SGCZ: variants seen among roughly 807,000 people sequenced by gnomAD.
SGCZ encodes sarcoglycan zeta.
In SGCZ, 40 loss-of-function variants were observed where a neutral mutation model predicts 41.3. The observed-to-expected ratio is 0.97, with a 90% confidence interval of 0.75 to 1.26. The LOEUF (loss-of-function observed/expected upper bound fraction) is 1.26, where lower values mean the gene tolerates loss of function less well. SGCZ is among the 50% of genes most tolerant of loss of function. SGCZ has a pLI of 0.00. For missense variants in SGCZ, 552 were observed against 369.8 expected, an observed-to-expected ratio of 1.49 and a Z score of -4.04; for synonymous variants, 206 against 137.5, an observed-to-expected ratio of 1.50 and a Z score of -3.49.
chr8:14,414,915 T>C (rs1799454746), intron 2 of SGCZ, among the ~76,000 whole-genome samples: 1 of 151,992 alleles, frequency 6.6e-6, no homozygotes, highest in African/African-American at 2.4e-5. Flanking sequence ...TTGCTAGAAA[T>C]GCTGATTAGA....
At chr8:14,318,961 G>A (rs547210572) in intron 3 of SGCZ, among the ~76,000 whole-genome samples, 1 of 151,482 alleles carries the variant, frequency 6.6e-6, no homozygotes, top group Non-Finnish European at 1.5e-5. Flanking sequence ...ATGAATTAGA[G>A]AGCGTAAGGG....
intron 2 of SGCZ, among the ~76,000 whole-genome samples, chr8:14,451,169 T>A (rs2116926678): frequency 6.6e-6 from 1 of 152,304 alleles, no homozygotes; most frequent in Non-Finnish European, 1.5e-5. Context: ...AACCAGCCTC[T>A]CTCTTTTCTG....
At chr8:14,101,848 G>A (rs1802031447) in intron 7 of SGCZ, among the ~76,000 whole-genome samples, 1 of 151,524 alleles carries the variant, frequency 6.6e-6, no homozygotes, top group South Asian at 2.1e-4. Context: ...GCATAAAGAA[G>A]TGCTTTGTGG....
chr8:14,320,356 T>G (rs903424307), intron 3 of SGCZ, among the ~76,000 whole-genome samples: 6 of 151,576 alleles, frequency 4.0e-5, no homozygotes, highest in African/African-American at 1.5e-4. Flanking sequence ...ATGAAAGAGG[T>G]AAGGAGATTA....
intron 1 of SGCZ, among the ~76,000 whole-genome samples, chr8:15,066,499 T>C (rs77436368): frequency 0.072 from 10,941 of 152,196 alleles, 575 homozygotes; most frequent in African/African-American, 0.14. Flanking sequence ...TATTTAAATT[T>C]TTATTTTCGG....
intron 1 of SGCZ, among the ~76,000 whole-genome samples, chr8:14,829,016 G>A (rs1341616904): frequency 6.6e-6 from 1 of 151,946 alleles, no homozygotes; most frequent in Non-Finnish European, 1.5e-5. Flanking sequence ...AATTTCTTCA[G>A]CTAATTTTCT....
intron 2 of SGCZ, among the ~76,000 whole-genome samples, chr8:14,351,888 C>G (rs1044463950): frequency 6.6e-6 from 1 of 152,112 alleles, no homozygotes; most frequent in South Asian, 2.1e-4. Flanking sequence ...AATGAATTCC[C>G]AAACCCATGC....
intron 3 of SGCZ, among the ~76,000 whole-genome samples, chr8:14,282,847 CTTTT>C (rs1168778028): frequency 4.4e-5 from 4 of 89,908 alleles, no homozygotes; most frequent in African/African-American, 9.1e-5. Flanking sequence ...CTTTCAAATA[CTTTT>C]TTTTTTTTTT....
chr8:14,423,683 G>C (rs1799697746), intron 2 of SGCZ, among the ~76,000 whole-genome samples: 1 of 152,142 alleles, frequency 6.6e-6, no homozygotes, highest in Non-Finnish European at 1.5e-5. Context: ...CAAAGTGCTG[G>C]TATTACAGGC....
chr8:14,724,688 G>GATATATATATAT (rs143980961), intron 1 of SGCZ, among the ~76,000 whole-genome samples: 1 of 148,700 alleles, frequency 6.7e-6, no homozygotes, highest in Non-Finnish European at 1.5e-5. Context: ...ATCACTAAGT[G>GATATATATATAT]ATATATATAT....
chr8:14,113,527 G>A (rs149115837), intron 5 of SGCZ, among the ~76,000 whole-genome samples: 2 of 152,006 alleles, frequency 1.3e-5, no homozygotes, highest in African/African-American at 2.4e-5. Context: ...CAGATTTCCA[G>A]CCTTTTTTGA....
chr8:15,199,465 C>G (rs989339644), intron 1 of SGCZ, among the ~76,000 whole-genome samples: 1 of 152,046 alleles, frequency 6.6e-6, no homozygotes, highest in African/African-American at 2.4e-5. Context: ...TTATGAGATT[C>G]GAATGATCCA....
At chr8:14,907,795 C>T (rs972068854) in intron 1 of SGCZ, among the ~76,000 whole-genome samples, 4 of 152,180 alleles carry the variant, frequency 2.6e-5, no homozygotes, top group African/African-American at 4.8e-5. Context: ...ACTAACTTTT[C>T]TGCAAAGAAG....
intron 1 of SGCZ, among the ~76,000 whole-genome samples, chr8:14,620,827 T>G (rs1337015702): frequency 6.6e-6 from 1 of 152,146 alleles, no homozygotes; most frequent in Non-Finnish European, 1.5e-5. Flanking sequence ...AGGAACACTT[T>G]TACACTGTTG....
chr8:14,265,039 C>A (rs978155652), intron 3 of SGCZ, among the ~76,000 whole-genome samples: 2 of 152,106 alleles, frequency 1.3e-5, no homozygotes, highest in African/African-American at 4.8e-5. Context: ...CCTAATTTTT[C>A]AGTATGCAGG....
chr8:14,639,528 C>A (rs1449279035), intron 1 of SGCZ, among the ~76,000 whole-genome samples: 2 of 151,702 alleles, frequency 1.3e-5, no homozygotes, highest in Non-Finnish European at 2.9e-5. Context: ...CAAAATATAA[C>A]ACAGAAAGCT....
At chr8:14,395,475 G>A (rs967144869) in intron 2 of SGCZ, among the ~76,000 whole-genome samples, 4 of 152,134 alleles carry the variant, frequency 2.6e-5, no homozygotes, top group African/African-American at 9.7e-5. Flanking sequence ...CATATAATCA[G>A]CAATGGCAGA....
intron 1 of SGCZ, among the ~76,000 whole-genome samples, chr8:14,659,935 C>T (rs1216434089): frequency 6.6e-6 from 1 of 152,038 alleles, no homozygotes; most frequent in Non-Finnish European, 1.5e-5. Flanking sequence ...GAAATTTGCA[C>T]CCAGTGAGAA....
At chr8:14,154,818 A>G (rs1803827887) in intron 5 of SGCZ, among the ~76,000 whole-genome samples, 1 of 152,140 alleles carries the variant, frequency 6.6e-6, no homozygotes. Flanking sequence ...GATGGGCCAC[A>G]TGTAGGTGTT....
Sources: allele counts gnomAD v4.1 joint callset (sites outside exome capture counted in the v4.1 genomes callset), GRCh38; gene constraint gnomAD v4.1.1; transcripts MANE v1.5; gene names NCBI Gene and HGNC (gene_info 2026-07-23, HGNC 2026-07-21).